Variants in RBPMS observed in about 807,000 individuals in gnomAD.
RBPMS encodes the protein RNA binding protein, mRNA processing factor.
Under a neutral mutation model 26.8 loss-of-function variants are expected in RBPMS, and 7 were observed. That is an observed-to-expected ratio of 0.26 (90% CI 0.15 to 0.49). RBPMS has a LOEUF of 0.49. RBPMS is among the 20% of genes least tolerant of loss of function. The pLI, the probability that RBPMS is intolerant of heterozygous loss-of-function variation, is 0.98. For missense variants in RBPMS, 186 were observed against 250.0 expected, an observed-to-expected ratio of 0.74 and a Z score of 1.73; for synonymous variants, 96 against 93.3, an observed-to-expected ratio of 1.03 and a Z score of -0.17.
In RBPMS at chr8:30,423,385, G is replaced by A. The variant is rs375205718; in HGVS notation, c.66+38227G>A. Among the ~76,000 whole-genome samples, 275 of 152,304 alleles carry A rather than the reference G, an allele frequency of 1.8e-3. 4 individuals carry two copies. The South Asian group carries it at 0.022, about 12-fold the overall frequency. Reference sequence around the variant, plus strand: ...GGCTTGGCACCTCTTTCCTCTTTGTGTATGCAGGGCCTGGTTGCCTAGCTA... The same window carrying A: ...GGCTTGGCACCTCTTTCCTCTTTGTATATGCAGGGCCTGGTTGCCTAGCTA... On this transcript the variant is annotated intron_variant, in intron 1 of 8. Transcript: ENST00000397323.
intron 1 of RBPMS, among the ~76,000 whole-genome samples, chr8:30,386,569 G>A (rs1302626439): frequency 6.6e-6 from 1 of 152,088 alleles, no homozygotes; most frequent in Non-Finnish European, 1.5e-5. Context: ...AATGCTACTG[G>A]CATTTCTTTT....
At chr8:30,556,270 C>T in intron 6 of RBPMS, 1 of 985,438 alleles carries the variant, frequency 1.0e-6, no homozygotes, top group Non-Finnish European at 1.2e-6. Flanking sequence ...CCCTGGACCC[C>T]ACAGCTCGGA....
intron 6 of RBPMS, chr8:30,549,568 G>A: frequency 6.2e-7 from 1 of 1,614,016 alleles, no homozygotes; most frequent in Non-Finnish European, 8.5e-7. Flanking sequence ...GTGCCAGCCT[G>A]GCCTGGTTTC....
At chr8:30,464,794 T>C (rs1816319050) in intron 1 of RBPMS, among the ~76,000 whole-genome samples, 2 of 152,210 alleles carry the variant, frequency 1.3e-5, no homozygotes, top group African/African-American at 4.8e-5. Context: ...ATAAGATCTT[T>C]TTCATATTCT....
chr8:30,466,448 AG>A, intron 1 of RBPMS, among the ~76,000 whole-genome samples: 1 of 152,228 alleles, frequency 6.6e-6, no homozygotes, highest in South Asian at 2.1e-4. Flanking sequence ...TGGTTGGCTG[AG>A]GTGGGAGAAT....
intron 4 of RBPMS, among the ~76,000 whole-genome samples, chr8:30,492,277 C>T (rs1819481063): frequency 6.6e-6 from 1 of 152,162 alleles, no homozygotes; most frequent in Non-Finnish European, 1.5e-5. Context: ...GTGCATAAAG[C>T]ACTTTCACAC....
At chr8:30,549,528 GC>G in intron 6 of RBPMS, 1 of 1,614,168 alleles carries the variant, frequency 6.2e-7, no homozygotes, top group Non-Finnish European at 8.5e-7. Context: ...GTGAGGAGAA[GC>G]CACCCCTTGA....
At chr8:30,434,941 A>G (rs1812294443) in intron 1 of RBPMS, among the ~76,000 whole-genome samples, 1 of 152,152 alleles carries the variant, frequency 6.6e-6, no homozygotes, top group Admixed American at 6.6e-5. Context: ...CAGCAGAAAG[A>G]CATAAAATGG....
At chr8:30,434,396 A>C (rs1011569053) in intron 1 of RBPMS, among the ~76,000 whole-genome samples, 38 of 152,164 alleles carry the variant, frequency 2.5e-4, no homozygotes, top group African/African-American at 8.4e-4. Flanking sequence ...CAAGAACAAA[A>C]GAAATAAGAA....
At chr8:30,428,952 A>G (rs993952037) in intron 1 of RBPMS, among the ~76,000 whole-genome samples, 2 of 152,184 alleles carry the variant, frequency 1.3e-5, no homozygotes, top group Non-Finnish European at 1.5e-5. Flanking sequence ...TGCAAAGCAC[A>G]TGGGAATCCA....
At chr8:30,438,750 G>T (rs1334300940) in intron 1 of RBPMS, among the ~76,000 whole-genome samples, 1 of 151,414 alleles carries the variant, frequency 6.6e-6, no homozygotes, top group Non-Finnish European at 1.5e-5. Flanking sequence ...TATATAGAGA[G>T]ATAGGAAGAT....
At chr8:30,547,239 T>G (rs1430445414) in intron 6 of RBPMS, 3 of 1,280,474 alleles carry the variant, frequency 2.3e-6, no homozygotes, top group African/African-American at 3.0e-5. Context: ...AATTTTGTTT[T>G]TCTTAGCAAT....
At chr8:30,456,355 T>C (rs1331166112) in intron 1 of RBPMS, among the ~76,000 whole-genome samples, 1 of 150,404 alleles carries the variant, frequency 6.6e-6, no homozygotes, top group African/African-American at 2.4e-5. Context: ...TAAGCGCTGC[T>C]TACACTCTGA....
chr8:30,480,752 C>A (rs539465160), intron 4 of RBPMS, among the ~76,000 whole-genome samples: 1 of 152,154 alleles, frequency 6.6e-6, no homozygotes, highest in South Asian at 2.1e-4. Flanking sequence ...GCATTGAATA[C>A]GTAAAAACCA....
intron 1 of RBPMS, among the ~76,000 whole-genome samples, chr8:30,389,302 C>G (rs1447538807): frequency 6.6e-6 from 1 of 152,174 alleles, no homozygotes; most frequent in Non-Finnish European, 1.5e-5. Flanking sequence ...TAAACATTTC[C>G]CTGATAAACC....
At chr8:30,388,278 GCAAT>G (rs900893491) in intron 1 of RBPMS, among the ~76,000 whole-genome samples, 9 of 151,620 alleles carry the variant, frequency 5.9e-5, no homozygotes, top group African/African-American at 2.2e-4. Flanking sequence ...CTCTAATTGT[GCAAT>G]CAAACTTTAT....
At chr8:30,542,245 T>C (rs534300633) in intron 5 of RBPMS, among the ~76,000 whole-genome samples, 1 of 152,346 alleles carries the variant, frequency 6.6e-6, no homozygotes, top group Middle Eastern at 3.4e-3. Context: ...GTGAATTGTC[T>C]CTAAGCATCA....
intron 1 of RBPMS, among the ~76,000 whole-genome samples, chr8:30,436,925 CTTT>C (rs370802180): frequency 1.4e-5 from 2 of 140,012 alleles, no homozygotes; most frequent in Admixed American, 7.1e-5. Flanking sequence ...ATATATGTAG[CTTT>C]TTTTTTTTTT....
At chr8:30,461,604 C>T (rs1815910282) in intron 1 of RBPMS, among the ~76,000 whole-genome samples, 2 of 152,060 alleles carry the variant, frequency 1.3e-5, no homozygotes. Flanking sequence ...ACCATGTTAG[C>T]CAGGATAGTC....
Sources: gnomAD v4.1 joint callset for allele counts (sites outside exome capture counted in the v4.1 genomes callset) on GRCh38, gnomAD v4.1.1 for gene constraint, MANE v1.5 for transcripts, NCBI Gene and HGNC (gene_info 2026-07-23, HGNC 2026-07-21) for gene names.